The following SPATC1L variants were observed in gnomAD, a reference collection of about 807,000 sequenced individuals.
The protein encoded by SPATC1L is speriolin-like protein.
A neutral mutation model predicts 21.2 loss-of-function variants in SPATC1L; 20 were observed. The observed-to-expected ratio is 0.94, with a 90% confidence interval of 0.66 to 1.37. SPATC1L has a LOEUF of 1.37. Ranked by LOEUF, SPATC1L falls within the 40% of genes most tolerant of loss-of-function variation. The pLI is 0.00. For missense variants in SPATC1L, 499 were observed against 478.7 expected (o/e 1.04, Z -0.40); for synonymous variants, 290 against 234.5 (o/e 1.24, Z -2.16).
At chr21:46,167,520 A>G (rs2079549902) in intron 3 of SPATC1L, among the ~76,000 whole-genome samples, 1 of 152,226 alleles carries the variant, frequency 6.6e-6, no homozygotes, top group Non-Finnish European at 1.5e-5. Flanking sequence ...TGAAAAGATA[A>G]ATAAAATTGA....
At chr21:46,181,146 C>T (rs1428852847) in intron 2 of SPATC1L, among the ~76,000 whole-genome samples, 1 of 152,190 alleles carries the variant, frequency 6.6e-6, no homozygotes, top group African/African-American at 2.4e-5. Context: ...TCCACACACG[C>T]CAAACAGATT....
At chr21:46,165,065 G>A (rs2079530965) in intron 3 of SPATC1L, among the ~76,000 whole-genome samples, 1 of 152,168 alleles carries the variant, frequency 6.6e-6, no homozygotes, top group Non-Finnish European at 1.5e-5. Flanking sequence ...CACTACCACA[G>A]ATTCTACAGA....
chr21:46,180,674 T>C (rs954454038), intron 2 of SPATC1L, among the ~76,000 whole-genome samples: 4 of 152,176 alleles, frequency 2.6e-5, no homozygotes, highest in African/African-American at 7.2e-5. Flanking sequence ...CCCAGGTACA[T>C]TCCCAAGCAC....
At chr21:46,165,653 CCTCCTAGCCT>C (rs1384827206) in intron 3 of SPATC1L, among the ~76,000 whole-genome samples, 8 of 151,924 alleles carry the variant, frequency 5.3e-5, no homozygotes, top group African/African-American at 1.9e-4. Flanking sequence ...TCCTTTCCCT[CCTCCTAGCCT>C]CTCCTATAGA....
At chr21:46,178,198 C>T (rs940692485) in intron 2 of SPATC1L, among the ~76,000 whole-genome samples, 2 of 144,750 alleles carry the variant, frequency 1.4e-5, no homozygotes, top group Non-Finnish European at 3.0e-5. Flanking sequence ...TGCCATTGCA[C>T]TCCAGCCTGG....
chr21:46,166,103 T>C (rs2079538318), intron 3 of SPATC1L, among the ~76,000 whole-genome samples: 1 of 152,192 alleles, frequency 6.6e-6, no homozygotes, highest in African/African-American at 2.4e-5. Flanking sequence ...CAGTAGCTCA[T>C]GCCTGTAATC....
Position 46,182,691 on chromosome 21 carries a change from G to A in SPATC1L, c.126C>T (p.Gly42=), listed in dbSNP as rs1240731678. Residue 42 remains glycine, a synonymous_variant, in exon 2 of 5, where the codon GGC becomes GGT. Coordinates refer to ENST00000291672, the MANE Select transcript of SPATC1L (RefSeq NM_001142854.2). ...TGGGTGGGAGCAGGTCGTGGCCGCCGCCCTCCTGGCAGCTCTGGCTGAGCA... is the reference window on the plus strand; with the variant it reads ...TGGGTGGGAGCAGGTCGTGGCCGCCACCCTCCTGGCAGCTCTGGCTGAGCA... ...RRLLSQSCQE[G]GGHDLLPPRA... The A allele has an allele frequency of 5.8e-6, 9 of 1,543,504 alleles. No individual in the cohort carries two copies. Among genetic ancestry groups the A allele is most frequent in the African/African-American group, 1.4e-5 (1 of 72,950 alleles).
intron 2 of SPATC1L, among the ~76,000 whole-genome samples, chr21:46,173,125 A>G (rs1457347189): frequency 6.6e-6 from 1 of 152,200 alleles, no homozygotes; most frequent in East Asian, 1.9e-4. Context: ...TTGCTCCCAC[A>G]GGAGACTTTG....
intron 2 of SPATC1L, 44 bp from the exon 3 acceptor site, chr21:46,168,702 T>TA (rs2079559851): frequency 2.4e-6 from 3 of 1,267,044 alleles, no homozygotes; most frequent in Non-Finnish European, 3.1e-6. Context: ...CTGATGCTCC[T>TA]AAAACATTCC....
chr21:46,178,254 A>C (rs2079646960), intron 2 of SPATC1L, among the ~76,000 whole-genome samples: 1 of 150,424 alleles, frequency 6.6e-6, no homozygotes, highest in African/African-American at 2.5e-5. Flanking sequence ...AAAAAAAAAA[A>C]AACCAGAATG....
intron 2 of SPATC1L, among the ~76,000 whole-genome samples, chr21:46,179,999 G>T (rs8133082): frequency 0.069 from 10,514 of 152,302 alleles, 1,147 homozygotes; most frequent in African/African-American, 0.24. Flanking sequence ...TGTAGGGACC[G>T]TTCAGAGAGC....
At chr21:46,162,454 C>T (rs750272283) in intron 3 of SPATC1L, among the ~76,000 whole-genome samples, 2 of 152,186 alleles carry the variant, frequency 1.3e-5, no homozygotes, top group South Asian at 2.1e-4. Flanking sequence ...CAGGGCCGGT[C>T]GGCTTGGCTG....
chr21:46,163,122 T>A (rs187425009), intron 3 of SPATC1L, among the ~76,000 whole-genome samples: 1 of 152,338 alleles, frequency 6.6e-6, no homozygotes, highest in East Asian at 1.9e-4. Flanking sequence ...ATTTATATAC[T>A]GTATCTTCTT....
intron 2 of SPATC1L, among the ~76,000 whole-genome samples, chr21:46,178,600 T>C (rs1219447783): frequency 6.6e-6 from 1 of 151,974 alleles, no homozygotes; most frequent in Non-Finnish European, 1.5e-5. Flanking sequence ...AAAAAAGAAA[T>C]ACATGGCCAG....
chr21:46,161,740 TCGGGGCCC>T, intron 4 of SPATC1L, 35 bp from the exon 5 acceptor site: 1 of 1,494,864 alleles, frequency 6.7e-7, no homozygotes, highest in Non-Finnish European at 9.0e-7. Context: ...GGTGGGGGGC[TCGGGGCCC>T]TCGGACGGGG....
intron 3 of SPATC1L, among the ~76,000 whole-genome samples, chr21:46,164,070 C>T (rs935446304): frequency 1.2e-4 from 18 of 152,124 alleles, no homozygotes; most frequent in African/African-American, 3.9e-4. Context: ...TGCAGTGGCA[C>T]GATCTCAGCT....
At chr21:46,180,348 C>T (rs1025010556) in intron 2 of SPATC1L, among the ~76,000 whole-genome samples, 22 of 152,350 alleles carry the variant, frequency 1.4e-4, no homozygotes, top group African/African-American at 5.0e-4. Flanking sequence ...CACTAAAGTT[C>T]CAGAGAAAAC....
chr21:46,178,063 T>C (rs896042099), intron 2 of SPATC1L, among the ~76,000 whole-genome samples: 6 of 151,790 alleles, frequency 4.0e-5, no homozygotes, highest in African/African-American at 1.5e-4. Context: ...GTGAAAACCA[T>C]CTCTACTAAA....
intron 2 of SPATC1L, among the ~76,000 whole-genome samples, chr21:46,180,282 C>G (rs1339251298): frequency 6.6e-6 from 1 of 152,184 alleles, no homozygotes. Context: ...AGTTGCGGAA[C>G]AGCACAATCC....
Sources: gnomAD v4.1 joint callset for allele counts (sites outside exome capture counted in the v4.1 genomes callset) on GRCh38, gnomAD v4.1.1 for gene constraint, MANE v1.5 for transcripts, NCBI Gene and HGNC (gene_info 2026-07-23, HGNC 2026-07-21) for gene names.